CFAP61: variants seen among roughly 807,000 people sequenced by gnomAD.
CFAP61 encodes the protein cilia- and flagella-associated protein 61.
In CFAP61, 107 loss-of-function variants were observed where a neutral mutation model predicts 135.6. That is an observed-to-expected ratio of 0.79 (90% CI 0.67 to 0.93). The LOEUF (loss-of-function observed/expected upper bound fraction) is 0.93, where lower values mean the gene tolerates loss of function less well. Among genes scored for constraint, CFAP61 ranks in the 40% least tolerant of loss-of-function variants. CFAP61 has a pLI of 0.00. For synonymous variants in CFAP61, 575 were observed against 578.5 expected (o/e 0.99, Z 0.09); for missense variants, 1,507 against 1,556.2 (o/e 0.97, Z 0.53).
intron 8 of CFAP61, among the ~76,000 whole-genome samples, chr20:20,140,950 T>G (rs1424660853): frequency 6.7e-6 from 1 of 149,928 alleles, no homozygotes. Flanking sequence ...GGAGATGGAG[T>G]CTCACTCTGT....
rs1412193699 is a variant in CFAP61 at position 20,296,368 on chromosome 20, A to G, written c.3217-1813A>G. On this transcript the variant is annotated intron_variant, in intron 24 of 26. Transcript: ENST00000245957. ...GCTTCCTTCCTTCTTTCCTTTCTTC[A>G]TCCCTCCTTCCCTCCCTCCCTCCTT... Among the ~76,000 whole-genome samples, 5 of 35,370 alleles carry G rather than the reference A, an allele frequency of 1.4e-4. No individual in the cohort carries two copies. The East Asian group carries it at 5.0e-3, about 36-fold the overall frequency. The allele number at this position is 35,370 out of a possible 152,430, so 23.2% of individuals were successfully genotyped here.
chr20:20,172,990 G>T (rs758125926), intron 13 of CFAP61, among the ~76,000 whole-genome samples: 1 of 152,066 alleles, frequency 6.6e-6, no homozygotes. Flanking sequence ...TTTTACTGTC[G>T]CCATAATTTT....
chr20:20,223,063 A>G (rs1161330534), intron 17 of CFAP61, among the ~76,000 whole-genome samples: 2 of 152,228 alleles, frequency 1.3e-5, no homozygotes, highest in African/African-American at 4.8e-5. Context: ...AAAGATATAT[A>G]TACACATGGG....
intron 8 of CFAP61, among the ~76,000 whole-genome samples, chr20:20,108,398 T>G (rs2048557271): frequency 1.3e-5 from 2 of 152,028 alleles, no homozygotes; most frequent in South Asian, 4.1e-4. Context: ...TAAACAAATG[T>G]AAAAACCCCA....
At chr20:20,271,526 G>A (rs1241964708) in intron 21 of CFAP61, among the ~76,000 whole-genome samples, 2 of 152,200 alleles carry the variant, frequency 1.3e-5, no homozygotes, top group Non-Finnish European at 2.9e-5. Context: ...CTGGTTAGCA[G>A]TGCGAGAATG....
chr20:20,163,584 GT>G lies in CFAP61; in HGVS notation c.1027-456del, dbSNP rs11451536. 2.0e-3 allele frequency among the ~76,000 whole-genome samples: 303 copies of G among 149,738 alleles called. 1 individual carries two copies. Among genetic ancestry groups the G allele is most frequent in the African/African-American group, 6.7e-3 (275 of 40,798 alleles). On this transcript the variant is annotated intron_variant, in intron 10 of 26. Coordinates refer to ENST00000245957, the MANE Select transcript of CFAP61 (RefSeq NM_015585.4). ...GTGTGAGACCTTCATGTGAGAACTA[GT>G]TTTTTTTTTCTTTATTATTATTATT...
chr20:20,054,941 C>A (rs746727559), intron 1 of CFAP61, among the ~76,000 whole-genome samples: 4 of 151,970 alleles, frequency 2.6e-5, no homozygotes, highest in Non-Finnish European at 5.9e-5. Flanking sequence ...TTCATTTATT[C>A]CTTTTGGAAT....
At chr20:20,130,708 G>GGATA (rs1289885983) in intron 8 of CFAP61, among the ~76,000 whole-genome samples, 2 of 151,744 alleles carry the variant, frequency 1.3e-5, no homozygotes, top group African/African-American at 4.9e-5. Context: ...GGTCCCAAAG[G>GGATA]GATATCCCAG....
At chr20:20,053,030 AC>A (rs1292361075) in intron 1 of CFAP61, among the ~76,000 whole-genome samples, 1 of 152,152 alleles carries the variant, frequency 6.6e-6, no homozygotes, top group East Asian at 1.9e-4. Context: ...CTGGAAAACA[AC>A]TCAGTCTTGT....
At chr20:20,170,196 A>G (rs1205251698) in intron 13 of CFAP61, among the ~76,000 whole-genome samples, 1 of 152,204 alleles carries the variant, frequency 6.6e-6, no homozygotes, top group Non-Finnish European at 1.5e-5. Context: ...GGATGAGGAA[A>G]GTGAGTGAAG....
At chr20:20,341,772 A>G in intron 25 of CFAP61, 59 bp from the exon 26 acceptor site, 1 of 1,198,294 alleles carries the variant, frequency 8.3e-7, no homozygotes. Flanking sequence ...GCAGGTAAAT[A>G]CTTTATTAGT....
At chr20:20,216,921 A>G (rs1400180009) in intron 17 of CFAP61, among the ~76,000 whole-genome samples, 2 of 152,132 alleles carry the variant, frequency 1.3e-5, no homozygotes, top group African/African-American at 4.8e-5. Context: ...GTGTTTTATT[A>G]AAATGTTTCT....
At chr20:20,060,676 AAG>A (rs2044730104) in intron 2 of CFAP61, among the ~76,000 whole-genome samples, 1 of 152,218 alleles carries the variant, frequency 6.6e-6, no homozygotes, top group Non-Finnish European at 1.5e-5. Flanking sequence ...TGTTCTCACA[AAG>A]AATCATGGCT....
At chr20:20,125,711 CTGTA>C (rs2050017107) in intron 8 of CFAP61, among the ~76,000 whole-genome samples, 1 of 151,802 alleles carries the variant, frequency 6.6e-6, no homozygotes, top group African/African-American at 2.4e-5. Flanking sequence ...ATGAAATGTT[CTGTA>C]TGTATCTGTT....
At position 20,114,111 on chromosome 20, in the gene CFAP61, G is replaced by A. The variant is rs181627244; in HGVS notation, c.859+15297G>A. 3.1e-3 allele frequency among the ~76,000 whole-genome samples: 464 copies of A among 151,936 alleles called. 1 individual carries two copies. Among genetic ancestry groups the A allele is most frequent in the Non-Finnish European group, 5.2e-3 (355 of 67,944 alleles). On this transcript the variant is annotated intron_variant, in intron 8 of 26. Transcript: ENST00000245957. The stretch of plus-strand genomic sequence containing the variant: ...TGGTGAAATCCTGTCTCTACAAAAA[G>A]TGCAAAAAATTAGCCAGGCATGGTG...
chr20:20,182,883 A>G (rs1004714039), intron 13 of CFAP61, among the ~76,000 whole-genome samples: 1 of 152,218 alleles, frequency 6.6e-6, no homozygotes, highest in Non-Finnish European at 1.5e-5. Flanking sequence ...TGAAGACACA[A>G]AGAACAAGTG....
chr20:20,084,953 G>T (rs2046690480), intron 6 of CFAP61, among the ~76,000 whole-genome samples: 1 of 152,200 alleles, frequency 6.6e-6, no homozygotes, highest in Non-Finnish European at 1.5e-5. Flanking sequence ...TGGACCTTTT[G>T]TTTCCTCCAG....
chr20:20,235,961 A>G (rs980974202), intron 18 of CFAP61, among the ~76,000 whole-genome samples: 2 of 152,188 alleles, frequency 1.3e-5, no homozygotes, highest in Admixed American at 1.3e-4. Flanking sequence ...CTCTAAGTGT[A>G]CTTCTCTGAA....
intron 11 of CFAP61, among the ~76,000 whole-genome samples, chr20:20,164,805 A>G (rs1045974878): frequency 6.6e-6 from 1 of 152,182 alleles, no homozygotes; most frequent in Non-Finnish European, 1.5e-5. Flanking sequence ...TATAAAGAAA[A>G]AGAGGTTTAA....
Sources: allele counts gnomAD v4.1 joint callset (sites outside exome capture counted in the v4.1 genomes callset), GRCh38; gene constraint gnomAD v4.1.1; transcripts MANE v1.5; gene names NCBI Gene and HGNC (gene_info 2026-07-23, HGNC 2026-07-21).